KAZN: variants seen among roughly 807,000 people sequenced by gnomAD.
The protein encoded by KAZN is kazrin.
A neutral mutation model predicts 87.4 loss-of-function variants in KAZN; 40 were observed. The observed-to-expected ratio is 0.46, with a 90% CI of 0.36 to 0.60. The LOEUF (loss-of-function observed/expected upper bound fraction) is 0.60, where lower values mean the gene tolerates loss of function less well. Among genes scored for constraint, KAZN ranks in the 20% least tolerant of loss-of-function variants. The pLI, the probability that KAZN is intolerant of heterozygous loss-of-function variation, is 0.00. For missense variants in KAZN, 898 were observed against 1,073.9 expected (o/e 0.84, Z 2.29); for synonymous variants, 466 against 458.3 (o/e 1.02, Z -0.22).
chr1:14,814,171 C>G (rs1227602538), intron 1 of KAZN, among the ~76,000 whole-genome samples: 1 of 152,170 alleles, frequency 6.6e-6, no homozygotes, highest in African/African-American at 2.4e-5. Context: ...AACAACTTCC[C>G]TTGGTCACAA....
rs372272700 is a variant in KAZN, at chr1:14,179,752, T to C, written c.92-683T>C. ...ATTTGCTAGGTGCTGTTCTAGTTTT[T>C]GGGGAGATGACAGTAAGCAAAGAGA... On this transcript the variant is annotated intron_variant, in intron 1 of 16. Transcript: ENST00000636203. 2.0e-3 allele frequency among the ~76,000 whole-genome samples: 308 copies of C among 152,326 alleles called. 2 individuals are homozygous for C. The highest frequency in any genetic ancestry group is 0.01 in the Middle Eastern group (3 of 294).
chr1:14,990,151 G>A (rs10927617), intron 2 of KAZN, among the ~76,000 whole-genome samples: 49,802 of 152,068 alleles, frequency 0.33, 9,370 homozygotes, highest in African/African-American at 0.52. Context: ...AAAGTCCAAA[G>A]GGAAGGGATC....
At position 14,992,788 on chromosome 1, in the gene KAZN, C is replaced by T. The variant is rs535776352; in HGVS notation, c.418+31913C>T. ...CCTCCCAAGTAGCTGGGATTATAGG[C>T]GCCCACCAACACGCCCAGATAATTT... is the stretch of plus-strand genomic sequence containing the variant. On this transcript the variant is annotated intron_variant, in intron 2 of 14. Coordinates refer to ENST00000376030, the MANE Select transcript of KAZN (RefSeq NM_201628.3). 1.1e-4 allele frequency among the ~76,000 whole-genome samples: 16 copies of T among 151,962 alleles called. No homozygotes were observed. In the South Asian group the frequency reaches 1.7e-3, roughly 16 times the overall value.
intron 2 of KAZN, among the ~76,000 whole-genome samples, chr1:14,301,825 G>A (rs1654574640): frequency 6.6e-6 from 1 of 152,092 alleles, no homozygotes; most frequent in Non-Finnish European, 1.5e-5. Flanking sequence ...TCCAGGTCTT[G>A]GGCTCAAAAG....
At position 14,331,913 on chromosome 1, in the gene KAZN, T is replaced by C. The variant is rs573563739; in HGVS notation, c.249+151321T>C. ...TACTTATAAAAAGAATATCATGCTATATATAAAATTTTGACAATTTTTATA... is the reference window on the plus strand; with the variant it reads ...TACTTATAAAAAGAATATCATGCTACATATAAAATTTTGACAATTTTTATA... On this transcript the variant is annotated intron_variant, in intron 2 of 16. Coordinates refer to the KAZN transcript ENST00000636203. 1.4e-3 allele frequency among the ~76,000 whole-genome samples: 206 copies of C among 152,322 alleles called. 2 individuals are homozygous for C. The highest frequency in any genetic ancestry group is 1.6e-3 in the Non-Finnish European group (107 of 68,024).
intron 2 of KAZN, among the ~76,000 whole-genome samples, chr1:14,297,179 C>T (rs1654189608): frequency 6.6e-6 from 1 of 152,166 alleles, no homozygotes; most frequent in Non-Finnish European, 1.5e-5. Context: ...CAGCTGTGGT[C>T]AGTGGCACAT....
chr1:14,664,493 T>C (rs943386707), intron 1 of KAZN, among the ~76,000 whole-genome samples: 9 of 152,200 alleles, frequency 5.9e-5, no homozygotes, highest in African/African-American at 2.2e-4. Flanking sequence ...TGACCAATCT[T>C]TTGCTTTAGT....
rs544324685 is a variant in KAZN, at chr1:14,667,304, T to C, written c.226+68081T>C. Among the ~76,000 whole-genome samples the C allele has an allele frequency of 3.3e-5, 5 of 152,182 alleles. No homozygotes were observed. The South Asian group carries it at 8.3e-4, about 25-fold the overall frequency. ...ATCCTCAGAGCACATGGTTTTCAGC[T>C]CTCCTTGAAGGCGCGGACCTCCAGA... On this transcript the variant is annotated intron_variant, in intron 1 of 14. Transcript: ENST00000376030.
chr1:14,811,830 T>G (rs1646419842), intron 1 of KAZN, among the ~76,000 whole-genome samples: 1 of 152,196 alleles, frequency 6.6e-6, no homozygotes, highest in South Asian at 2.1e-4. Context: ...TGATCCCTGT[T>G]GCACGGGGGA....
chr1:15,048,412 ATGTG>A (rs1015666553), intron 4 of KAZN, among the ~76,000 whole-genome samples: 1 of 137,936 alleles, frequency 7.2e-6, no homozygotes, highest in Non-Finnish European at 1.5e-5. Flanking sequence ...AAGGGACCGC[ATGTG>A]TGTGTATGTG....
intron 1 of KAZN, among the ~76,000 whole-genome samples, chr1:14,173,445 G>A (rs1021555172): frequency 3.9e-5 from 6 of 152,132 alleles, no homozygotes; most frequent in Admixed American, 6.5e-5. Context: ...TCAGGCAAGA[G>A]TTCCTCAAGT....
chr1:15,090,484 G>A (rs546292567), intron 8 of KAZN, among the ~76,000 whole-genome samples: 2 of 152,320 alleles, frequency 1.3e-5, no homozygotes, highest in African/African-American at 2.4e-5. Flanking sequence ...CGTGGGAGCC[G>A]GGCACCAGCA....
chr1:14,765,759 C>T (rs1365627273), intron 1 of KAZN, among the ~76,000 whole-genome samples: 6 of 152,076 alleles, frequency 3.9e-5, no homozygotes, highest in Admixed American at 1.3e-4. Context: ...ATGGGCTGCA[C>T]TCATAATTTT....
intron 1 of KAZN, among the ~76,000 whole-genome samples, chr1:13,993,112 C>T (rs12753627): frequency 0.13 from 19,968 of 152,062 alleles, 1,442 homozygotes; most frequent in Middle Eastern, 0.2. Context: ...TAGTGTGTGT[C>T]GTATCAAAGT....
intron 2 of KAZN, among the ~76,000 whole-genome samples, chr1:14,338,647 T>C (rs991304985): frequency 1.6e-4 from 25 of 152,180 alleles, no homozygotes; most frequent in African/African-American, 5.5e-4. Flanking sequence ...GTCATGTCTC[T>C]GGGCAAAGCC....
chr1:14,379,850 T>C (rs571853513), intron 2 of KAZN, among the ~76,000 whole-genome samples: 14 of 152,314 alleles, frequency 9.2e-5, no homozygotes, highest in African/African-American at 2.6e-4. Context: ...ACTTGCTGGA[T>C]TGTGGAGCCC....
Position 15,067,942 on chromosome 1 carries a change from A to G in KAZN, c.1222+2189A>G, listed in dbSNP as rs1256869595. 4.9e-6 allele frequency: 4 copies of G among 810,580 alleles called. No homozygotes were observed. In the African/African-American group the frequency reaches 7.8e-5, roughly 16 times the overall value. 50.2% of individuals were successfully genotyped at this position (810,580 alleles called of 1,614,324 possible). On this transcript the variant is annotated intron_variant, in intron 8 of 14. Coordinates refer to ENST00000376030, the MANE Select transcript of KAZN (RefSeq NM_201628.3). ...CAACCACTCCTGCTAATGATTTAGT[A>G]GTTCCTTTTCATTTCAGTTTTTGTA...
intron 1 of KAZN, among the ~76,000 whole-genome samples, chr1:14,140,876 C>G (rs1322410940): frequency 6.6e-6 from 1 of 152,112 alleles, no homozygotes; most frequent in Non-Finnish European, 1.5e-5. Flanking sequence ...GAAAGACGTC[C>G]TGTCTAAACC....
intron 2 of KAZN, among the ~76,000 whole-genome samples, chr1:14,425,168 G>A (rs1024621896): frequency 7.9e-5 from 12 of 152,154 alleles, no homozygotes; most frequent in Admixed American, 6.5e-4. Context: ...CAGCTGGGCA[G>A]GGGCTGGCCA....
Sources: allele counts gnomAD v4.1 joint callset (sites outside exome capture counted in the v4.1 genomes callset), GRCh38; gene constraint gnomAD v4.1.1; transcripts MANE v1.5; gene names NCBI Gene and HGNC (gene_info 2026-07-23, HGNC 2026-07-21).